Variants in PDE4D observed in about 807,000 individuals in gnomAD.
The protein encoded by PDE4D is 3',5'-cyclic-AMP phosphodiesterase 4D.
Under a neutral mutation model 87.4 loss-of-function variants are expected in PDE4D, and 24 were observed. That is an observed-to-expected ratio of 0.27 (90% CI 0.20 to 0.39). PDE4D has a LOEUF of 0.39. Among genes scored for constraint, PDE4D ranks in the 10% least tolerant of loss-of-function variants. The pLI, the probability that PDE4D is intolerant of heterozygous loss-of-function variation, is 1.00. For synonymous variants in PDE4D, 384 were observed against 383.2 expected, an observed-to-expected ratio of 1.00 and a Z score of -0.02; for missense variants, 714 against 1,041.0, an observed-to-expected ratio of 0.69 and a Z score of 4.32.
Position 59,389,056 on chromosome 5 carries a change from C to T in PDE4D, c.456-173088G>A, listed in dbSNP as rs147168134. Among the ~76,000 whole-genome samples, 454 of 151,898 alleles carry T rather than the reference C, an allele frequency of 3.0e-3. 3 individuals are homozygous for T. Among genetic ancestry groups the T allele is most frequent in the African/African-American group, 0.01 (433 of 41,488 alleles). ...TTCATGAATGGGTTCATGAGTCAAC[C>T]GCAGGGGAGTTGGTGAAGCCCCTGA... On this transcript the variant is annotated intron_variant, in intron 1 of 14. Transcript: ENST00000340635.
chr5:59,901,923 AACACACACACACACACAC>A (rs59453461), intron 3 of PDE4D, among the ~76,000 whole-genome samples: 7,663 of 134,326 alleles, frequency 0.057, 227 homozygotes, highest in Middle Eastern at 0.073. Flanking sequence ...CTTACATGCA[AACACACACACACACACAC>A]ACACACACAC....
intron 1 of PDE4D, among the ~76,000 whole-genome samples, chr5:59,354,002 C>T (rs1403749946): frequency 2.0e-5 from 3 of 152,092 alleles, no homozygotes; most frequent in Non-Finnish European, 4.4e-5. Flanking sequence ...ATATCTTGTA[C>T]ACCTGGCTTT....
At chr5:60,147,809 A>G (rs1410341841) in intron 2 of PDE4D, 1 of 455,566 alleles carries the variant, frequency 2.2e-6, no homozygotes, top group African/African-American at 2.0e-5. Context: ...ATATTTTACC[A>G]TGTGGCCTTC....
intron 1 of PDE4D, among the ~76,000 whole-genome samples, chr5:59,783,621 C>T (rs1764838498): frequency 2.0e-5 from 3 of 152,162 alleles, no homozygotes; most frequent in Non-Finnish European, 4.4e-5. Context: ...TAGTCTAAAA[C>T]ATTTATTTCA....
chr5:59,602,674 C>G (rs1827678065), intron 1 of PDE4D, among the ~76,000 whole-genome samples: 1 of 151,824 alleles, frequency 6.6e-6, no homozygotes, highest in African/African-American at 2.4e-5. Context: ...TTCACAGAAA[C>G]AGAAAAAAAC....
intron 1 of PDE4D, among the ~76,000 whole-genome samples, chr5:59,363,278 A>G (rs1782514911): frequency 6.6e-6 from 1 of 152,148 alleles, no homozygotes; most frequent in Non-Finnish European, 1.5e-5. Context: ...AGGGTATACT[A>G]TATATTATCC....
At chr5:59,995,073 T>C (rs1002767032) in intron 2 of PDE4D, among the ~76,000 whole-genome samples, 3 of 152,146 alleles carry the variant, frequency 2.0e-5, no homozygotes, top group Non-Finnish European at 4.4e-5. Context: ...ATAACACTTT[T>C]GCAAGTTGAA....
intron 1 of PDE4D, among the ~76,000 whole-genome samples, chr5:59,823,967 G>A (rs898958398): frequency 1.9e-4 from 29 of 151,208 alleles, no homozygotes; most frequent in East Asian, 1.9e-4. Context: ...AGTCTCTGTC[G>A]CTCTCCATTG....
chr5:59,178,182 A>G (rs1370229963), intron 5 of PDE4D, among the ~76,000 whole-genome samples: 1 of 152,062 alleles, frequency 6.6e-6, no homozygotes, highest in Non-Finnish European at 1.5e-5. Flanking sequence ...CAGAAAGGGG[A>G]ACCTTCCCCT....
At chr5:59,366,982 G>C (rs1368571899) in intron 1 of PDE4D, among the ~76,000 whole-genome samples, 1 of 152,200 alleles carries the variant, frequency 6.6e-6, no homozygotes, top group Non-Finnish European at 1.5e-5. Flanking sequence ...CATGTTTGGA[G>C]TTGTACGCTT....
chr5:59,571,119 A>C (rs146838576), intron 1 of PDE4D, among the ~76,000 whole-genome samples: 2 of 152,352 alleles, frequency 1.3e-5, no homozygotes, highest in East Asian at 3.9e-4. Context: ...TTAAGGTAAC[A>C]TGAGAATGAA....
chr5:59,044,197 T>C (rs940755823), intron 5 of PDE4D, among the ~76,000 whole-genome samples: 6 of 151,624 alleles, frequency 4.0e-5, no homozygotes, highest in African/African-American at 1.2e-4. Flanking sequence ...TCCTATTTCT[T>C]CACATCCTCT....
At position 59,291,836 on chromosome 5, in the gene PDE4D, T is replaced by C. The variant is rs116227933; in HGVS notation, c.456-75868A>G. 1.3e-3 allele frequency among the ~76,000 whole-genome samples: 194 copies of C among 151,774 alleles called. 1 individual carries two copies. The highest frequency in any genetic ancestry group is 4.5e-3 in the African/African-American group (187 of 41,390). On this transcript the variant is annotated intron_variant, in intron 1 of 14. Coordinates refer to ENST00000340635, the MANE Select transcript of PDE4D (RefSeq NM_001104631.2). Reference sequence around the variant, plus strand: ...ACCTTGTATATTAATTTGTGCTCTTTTGGGGAGAAACACAGCCTATTCATT... The same window carrying C: ...ACCTTGTATATTAATTTGTGCTCTTCTGGGGAGAAACACAGCCTATTCATT...
intron 5 of PDE4D, among the ~76,000 whole-genome samples, chr5:59,040,930 T>C (rs1580467723): frequency 6.6e-6 from 1 of 152,232 alleles, no homozygotes; most frequent in Non-Finnish European, 1.5e-5. Flanking sequence ...TTGTAAAAGT[T>C]AGAGTAACTT....
chr5:60,103,549 G>T (rs191392225), intron 2 of PDE4D, among the ~76,000 whole-genome samples: 2 of 152,294 alleles, frequency 1.3e-5, no homozygotes, highest in Admixed American at 1.3e-4. Context: ...ACCATTGCTA[G>T]AATTTATATA....
chr5:60,431,705 G>A lies in PDE4D; in HGVS notation c.-90+56237C>T, dbSNP rs568470065. Among the ~76,000 whole-genome samples, 68 of 152,342 alleles carry A rather than the reference G, an allele frequency of 4.5e-4. No homozygotes were observed. In the East Asian group the frequency reaches 0.013, roughly 29 times the overall value. On this transcript the variant is annotated intron_variant, in intron 1 of 16. Transcript: ENST00000502484. ...GCAGAGGCTGCAATCTCGACACTTT[G>A]GGAGGCCAAGGCAGGCGGCTGGGAG... is the stretch of plus-strand genomic sequence containing the variant.
At chr5:59,361,601 AG>A (rs904888793) in intron 1 of PDE4D, among the ~76,000 whole-genome samples, 3 of 152,142 alleles carry the variant, frequency 2.0e-5, no homozygotes, top group Admixed American at 6.6e-5. Context: ...TCCCCATACC[AG>A]GTGAGGTCTC....
At chr5:60,413,806 TCCCAAA>T (rs1039508525) in intron 1 of PDE4D, among the ~76,000 whole-genome samples, 1 of 151,690 alleles carries the variant, frequency 6.6e-6, no homozygotes, top group Non-Finnish European at 1.5e-5. Flanking sequence ...CTGCATCAGA[TCCCAAA>T]GTAACAAATA....
chr5:59,521,022 T>G (rs1435177220), intron 1 of PDE4D, among the ~76,000 whole-genome samples: 1 of 151,978 alleles, frequency 6.6e-6, no homozygotes, highest in Non-Finnish European at 1.5e-5. Context: ...TCATTTATAC[T>G]CCTAGGATGA....
Sources: gnomAD v4.1 joint callset for allele counts (sites outside exome capture counted in the v4.1 genomes callset) on GRCh38, gnomAD v4.1.1 for gene constraint, MANE v1.5 for transcripts, NCBI Gene and HGNC (gene_info 2026-07-23, HGNC 2026-07-21) for gene names.